Variants in PRICKLE2 observed in about 807,000 individuals in gnomAD.
The protein encoded by PRICKLE2 is prickle planar cell polarity protein 2.
A neutral mutation model predicts 81.4 loss-of-function variants in PRICKLE2; 21 were observed. That is an observed-to-expected ratio of 0.26 (90% CI 0.18 to 0.37). PRICKLE2 has a LOEUF of 0.37. PRICKLE2 is among the 10% of genes least tolerant of loss of function. The pLI, the probability that PRICKLE2 is intolerant of heterozygous loss-of-function variation, is 1.00. For synonymous variants in PRICKLE2, 456 were observed against 421.5 expected, an observed-to-expected ratio of 1.08 and a Z score of -1.00; for missense variants, 940 against 1,109.0, an observed-to-expected ratio of 0.85 and a Z score of 2.16.
intron 7 of PRICKLE2, among the ~76,000 whole-genome samples, chr3:64,110,815 C>T (rs1032563664): frequency 2.6e-5 from 4 of 152,104 alleles, no homozygotes; most frequent in South Asian, 2.1e-4. Context: ...AGGAGCCACA[C>T]GGAGGTTCTT....
At chr3:64,122,976 T>A (rs1231383450) in intron 7 of PRICKLE2, among the ~76,000 whole-genome samples, 1 of 152,154 alleles carries the variant, frequency 6.6e-6, no homozygotes, top group East Asian at 1.9e-4. Flanking sequence ...TGTGAGCACT[T>A]ACAACCCCAA....
intron 7 of PRICKLE2, among the ~76,000 whole-genome samples, chr3:64,126,920 C>T (rs934793478): frequency 1.3e-4 from 20 of 152,128 alleles, no homozygotes; most frequent in African/African-American, 4.8e-4. Context: ...GTTTTGTCCT[C>T]TGTAAAATGG....
At chr3:64,265,160 AG>A (rs1297471535) in intron 2 of PRICKLE2, among the ~76,000 whole-genome samples, 6 of 152,220 alleles carry the variant, frequency 3.9e-5, no homozygotes, top group Non-Finnish European at 8.8e-5. Flanking sequence ...CAAAGCAAAA[AG>A]AAAAACAAAA....
intron 7 of PRICKLE2, chr3:64,101,836 G>A (rs2076668869): frequency 6.6e-6 from 1 of 151,876 alleles, no homozygotes; most frequent in African/African-American, 2.4e-5. Context: ...GGAGAGCATT[G>A]TTTTAAAGTG....
intron 2 of PRICKLE2, among the ~76,000 whole-genome samples, chr3:64,190,663 A>C (rs535164535): frequency 6.6e-6 from 1 of 152,124 alleles, no homozygotes; most frequent in Non-Finnish European, 1.5e-5. Context: ...TTGGACTCTC[A>C]TGGGGAAAAT....
intron 1 of PRICKLE2, among the ~76,000 whole-genome samples, chr3:64,206,139 A>G (rs2078684221): frequency 6.6e-6 from 1 of 152,206 alleles, no homozygotes; most frequent in Non-Finnish European, 1.5e-5. Flanking sequence ...TTGCCAAGAC[A>G]TTACATGGAG....
At chr3:64,220,242 G>T (rs2078930787) in intron 1 of PRICKLE2, among the ~76,000 whole-genome samples, 1 of 152,166 alleles carries the variant, frequency 6.6e-6, no homozygotes, top group Non-Finnish European at 1.5e-5. Flanking sequence ...TTGGCATCTT[G>T]CCCAGTTGAA....
At chr3:64,199,929 C>G (rs911365794) in intron 1 of PRICKLE2, 1 of 152,038 alleles carries the variant, frequency 6.6e-6, no homozygotes, top group Non-Finnish European at 1.5e-5. Flanking sequence ...ATAAAAGAGC[C>G]CAGAATTTTA....
At chr3:64,198,686 A>G (rs987087920) in intron 2 of PRICKLE2, 98 bp downstream of exon 2, 1 of 1,342,168 alleles carries the variant, frequency 7.5e-7, no homozygotes, top group South Asian at 1.2e-5. Context: ...TCTCTGAATC[A>G]GCAAAGTCTA....
intron 2 of PRICKLE2, among the ~76,000 whole-genome samples, chr3:64,185,483 G>A (rs73832119): frequency 0.06 from 9,154 of 152,214 alleles, 422 homozygotes; most frequent in African/African-American, 0.14. Context: ...TTTACTGAGT[G>A]CCAACTACGT....
At chr3:64,251,684 T>A (rs970925543) in intron 2 of PRICKLE2, among the ~76,000 whole-genome samples, 1 of 152,274 alleles carries the variant, frequency 6.6e-6, no homozygotes, top group African/African-American at 2.4e-5. Context: ...CACCTAGGTG[T>A]CTCTTATTCA....
intron 4 of PRICKLE2, 96 bp downstream of exon 4, chr3:64,159,844 C>G (rs2077701398): frequency 6.7e-7 from 1 of 1,487,380 alleles, no homozygotes; most frequent in East Asian, 2.3e-5. Context: ...GTATCTCAGG[C>G]ACATAGTAGG....
At chr3:64,235,194 C>A (rs1453624704) in intron 2 of PRICKLE2, among the ~76,000 whole-genome samples, 1 of 152,142 alleles carries the variant, frequency 6.6e-6, no homozygotes, top group African/African-American at 2.4e-5. Flanking sequence ...AGTTATTATA[C>A]TTTTCAACTC....
intron 2 of PRICKLE2, among the ~76,000 whole-genome samples, chr3:64,180,778 C>T (rs2078116433): frequency 6.6e-6 from 1 of 152,134 alleles, no homozygotes; most frequent in Non-Finnish European, 1.5e-5. Context: ...CGTGATCCAC[C>T]CATCTTGGCC....
rs934745900 is a variant in PRICKLE2 at position 64,147,992 on chromosome 3, C to G, written c.788-290G>C. Among the ~76,000 whole-genome samples, 1 of 152,154 alleles carries G rather than the reference C, an allele frequency of 6.6e-6. No homozygotes were observed. The highest frequency in any genetic ancestry group is 1.5e-5 in the Non-Finnish European group (1 of 68,034). On this transcript the variant is annotated intron_variant, in intron 6 of 7. Transcript: ENST00000638394. This position sits in a 1 kb window ranked among gnomAD's most constrained non-coding sequence, Gnocchi z 5.0. ...GGACACATTTCCCCCTGACAAATAG[C>G]AATAGTAATATTAACGTATGATCAT...
intron 2 of PRICKLE2, among the ~76,000 whole-genome samples, chr3:64,255,902 C>G (rs1195039441): frequency 6.6e-6 from 1 of 152,066 alleles, no homozygotes; most frequent in Non-Finnish European, 1.5e-5. Context: ...CTTCTTGTTG[C>G]CTGGAATGCA....
At chr3:64,250,881 C>A (rs965699789) in intron 2 of PRICKLE2, among the ~76,000 whole-genome samples, 3 of 152,146 alleles carry the variant, frequency 2.0e-5, no homozygotes, top group African/African-American at 7.2e-5. Context: ...CCCCAATAAC[C>A]AGCACACCTC....
chr3:64,192,449 A>G (rs531203008), intron 2 of PRICKLE2, among the ~76,000 whole-genome samples: 1 of 152,366 alleles, frequency 6.6e-6, no homozygotes, highest in African/African-American at 2.4e-5. Flanking sequence ...GCTACAAAGC[A>G]TGTAACTGAG....
At chr3:64,112,092 GC>G (rs770782471) in intron 7 of PRICKLE2, among the ~76,000 whole-genome samples, 3 of 152,080 alleles carry the variant, frequency 2.0e-5, no homozygotes, top group Non-Finnish European at 2.9e-5. Context: ...AACACACTAA[GC>G]TTTTTTATTT....
Sources: gnomAD v4.1 joint callset for allele counts (sites outside exome capture counted in the v4.1 genomes callset) on GRCh38, gnomAD v4.1.1 for gene constraint, Gnocchi (gnomAD v3.1) non-coding constraint, MANE v1.5 for transcripts, NCBI Gene and HGNC (gene_info 2026-07-23, HGNC 2026-07-21) for gene names.